SDK1: variants seen among roughly 807,000 people sequenced by gnomAD.
SDK1 encodes sidekick cell adhesion molecule 1.
A neutral mutation model predicts 245.5 loss-of-function variants in SDK1; 157 were observed. That is an observed-to-expected ratio of 0.64 (90% confidence interval 0.56 to 0.73). The LOEUF is 0.73. Ranked by LOEUF, SDK1 falls within the 30% of genes least tolerant of loss-of-function variation. The probability of loss-of-function intolerance (pLI) is 0.00; values close to 1 mark genes in which losing one functional copy is unlikely to be tolerated. For synonymous variants in SDK1, 1,647 were observed against 1,278.5 expected, an observed-to-expected ratio of 1.29 and a Z score of -6.15; for missense variants, 3,583 against 3,002.3, an observed-to-expected ratio of 1.19 and a Z score of -4.52.
chr7:3,822,002 G>A (rs1227185808), intron 5 of SDK1, among the ~76,000 whole-genome samples: 4 of 152,070 alleles, frequency 2.6e-5, no homozygotes, highest in South Asian at 2.1e-4. Context: ...TAAGTTGTAC[G>A]AAAATTAGCA....
chr7:3,636,570 C>G (rs7800738), intron 2 of SDK1, among the ~76,000 whole-genome samples: 2 of 152,130 alleles, frequency 1.3e-5, no homozygotes, highest in Admixed American at 1.3e-4. Flanking sequence ...AATATTCCAT[C>G]GTGTGTATAC....
At chr7:4,240,567 G>T (rs1037903579) in intron 42 of SDK1, among the ~76,000 whole-genome samples, 8 of 152,100 alleles carry the variant, frequency 5.3e-5, no homozygotes, top group Non-Finnish European at 7.3e-5. Flanking sequence ...GCACGTCAAA[G>T]GGGGGCCAGG....
chr7:4,017,208 C>T lies in SDK1; in HGVS notation c.2458C>T (p.Arg820Trp), dbSNP rs759323106. Residue 820 changes from arginine (R) to tryptophan (W), a missense_variant, in exon 17 of 45, where the codon CGG becomes TGG. Arg to Trp is a moderately radical substitution (Grantham distance 101). Coordinates refer to ENST00000404826, the MANE Select transcript of SDK1 (RefSeq NM_152744.4). ...TGGCCTTCCCGGAGAGTACCAGCAG[C>T]GGAACATCACCAGCCCGGAGGTGAA... ...LAGLPGEYQQRNITSPEVNYC... is the reference protein window; with the variant it reads ...LAGLPGEYQQWNITSPEVNYC... 1.2e-5 allele frequency: 20 copies of T among 1,613,356 alleles called. No individual in the cohort carries two copies. Among genetic ancestry groups the T allele is most frequent in the Middle Eastern group, 1.6e-4 (1 of 6,080 alleles).
chr7:4,116,570 G>C (rs1372849505), intron 25 of SDK1, among the ~76,000 whole-genome samples: 1 of 152,244 alleles, frequency 6.6e-6, no homozygotes, highest in Admixed American at 6.5e-5. Flanking sequence ...GTAATGCACA[G>C]TGGGTTGCAA....
chr7:3,860,323 C>T (rs969179512), intron 5 of SDK1, among the ~76,000 whole-genome samples: 1 of 151,422 alleles, frequency 6.6e-6, no homozygotes, highest in Non-Finnish European at 1.5e-5. Context: ...GGTAATCACT[C>T]GAAAAAAGAC....
At chr7:3,700,708 A>G (rs1345894124) in intron 4 of SDK1, among the ~76,000 whole-genome samples, 1 of 152,224 alleles carries the variant, frequency 6.6e-6, no homozygotes, top group Non-Finnish European at 1.5e-5. Context: ...GCCCATAATT[A>G]TAGTAAGTGT....
chr7:3,960,357 C>T (rs1299389897), intron 8 of SDK1, among the ~76,000 whole-genome samples: 3 of 152,228 alleles, frequency 2.0e-5, no homozygotes, highest in Non-Finnish European at 4.4e-5. Context: ...CTGTCAGCCA[C>T]CAAAGCAGCC....
intron 5 of SDK1, among the ~76,000 whole-genome samples, chr7:3,880,543 CTTTTTTTTTT>C (rs5882008): frequency 9.8e-5 from 9 of 92,006 alleles, no homozygotes; most frequent in Admixed American, 2.7e-4. Flanking sequence ...ATGCCCTGGT[CTTTTTTTTTT>C]TTTTTTTTTT....
chr7:4,114,159 A>G lies in SDK1; in HGVS notation c.3708A>G (p.Glu1236=), dbSNP rs1783540038. The change falls in exon 25 of 45, where the codon GAA becomes GAG. Residue 1236 remains glutamate (E), a synonymous_variant. Coordinates refer to ENST00000404826, the MANE Select transcript of SDK1 (RefSeq NM_152744.4). The part of the protein sequence containing the change: ...AQVVSDRLER[E]FTIEELEEWM... The stretch of plus-strand genomic sequence containing the variant: ...TCGTCAGTGACCGGCTGGAGAGAGA[A>G]TTCACCATCGAGGAGCTGGAGGAGT... 1 of 1,614,238 alleles carries G rather than the reference A, an allele frequency of 6.2e-7. No individual in the cohort carries two copies. The highest frequency in any genetic ancestry group is 8.5e-7 in the Non-Finnish European group (1 of 1,180,032).
intron 40 of SDK1, chr7:4,227,427 A>G (rs1298504747): frequency 6.4e-6 from 3 of 470,994 alleles, no homozygotes; most frequent in East Asian, 6.9e-5. Flanking sequence ...ATGGAAGGTA[A>G]CTGTCTTTTT....
intron 1 of SDK1, among the ~76,000 whole-genome samples, chr7:3,480,089 G>A (rs1311105591): frequency 2.0e-5 from 3 of 152,144 alleles, no homozygotes; most frequent in African/African-American, 7.2e-5. Flanking sequence ...GATAGCAGAA[G>A]GAATTAAGCT....
intron 1 of SDK1, among the ~76,000 whole-genome samples, chr7:3,313,035 T>A (rs1456340187): frequency 6.6e-6 from 1 of 152,154 alleles, no homozygotes; most frequent in Non-Finnish European, 1.5e-5. Flanking sequence ...GATGATTGAA[T>A]AATAACATCA....
At chr7:3,932,912 TG>T (rs1780029220) in intron 5 of SDK1, among the ~76,000 whole-genome samples, 1 of 152,168 alleles carries the variant, frequency 6.6e-6, no homozygotes, top group Non-Finnish European at 1.5e-5. Context: ...TGGCCGATTG[TG>T]CTGAGCCTGA....
At chr7:3,744,327 A>G (rs886647179) in intron 4 of SDK1, among the ~76,000 whole-genome samples, 1 of 151,954 alleles carries the variant, frequency 6.6e-6, no homozygotes, top group Non-Finnish European at 1.5e-5. Flanking sequence ...CCATATATAC[A>G]TTTAGCTTCT....
chr7:4,241,898 A>G lies in SDK1; in HGVS notation c.6236A>G (p.Lys2079Arg), dbSNP rs758463502. Residue 2079 changes from lysine to arginine, a missense_variant, in exon 43 of 45, where the codon AAG (lysine) becomes AGG (arginine). Physicochemically the swap from Lys to Arg is conservative, Grantham distance 26. Transcript: ENST00000404826. ...CTCAATGTCAAGAGCACCTTCTCCA[A>G]GAAGAACGGGACCAGGTAGGCAGGC... ...RHLNVKSTFSKKNGTRSPPRP... is the reference protein window; with the variant it reads ...RHLNVKSTFSRKNGTRSPPRP... 6 of 1,613,600 alleles carry G rather than the reference A, an allele frequency of 3.7e-6. No individual in the cohort carries two copies. The highest frequency in any genetic ancestry group is 4.2e-6 in the Non-Finnish European group (5 of 1,180,050).
intron 1 of SDK1, among the ~76,000 whole-genome samples, chr7:3,374,459 C>T (rs138089385): frequency 1.5e-4 from 23 of 152,234 alleles, no homozygotes; most frequent in African/African-American, 5.1e-4. Context: ...GTGTCATAGC[C>T]AGTCACAGAC....
At chr7:3,321,092 G>T (rs1160422654) in intron 1 of SDK1, among the ~76,000 whole-genome samples, 1 of 152,114 alleles carries the variant, frequency 6.6e-6, no homozygotes, top group Non-Finnish European at 1.5e-5. Context: ...ATATTTCAGG[G>T]CTTATCAACT....
At chr7:3,746,356 ATG>A (rs1779621282) in intron 4 of SDK1, among the ~76,000 whole-genome samples, 2 of 152,146 alleles carry the variant, frequency 1.3e-5, no homozygotes, top group Non-Finnish European at 2.9e-5. Context: ...GATCAGTCTG[ATG>A]GTTGCTGAAG....
chr7:4,150,824 C>T (rs897011073), intron 30 of SDK1, among the ~76,000 whole-genome samples: 1 of 152,228 alleles, frequency 6.6e-6, no homozygotes, highest in Non-Finnish European at 1.5e-5. Flanking sequence ...CCAAAACCCC[C>T]ATCCCTGGCT....
Sources: gnomAD v4.1 joint callset for allele counts (sites outside exome capture counted in the v4.1 genomes callset) on GRCh38, gnomAD v4.1.1 for gene constraint, MANE v1.5 for transcripts, NCBI Gene and HGNC (gene_info 2026-07-23, HGNC 2026-07-21) for gene names.